HROB: variants seen among roughly 807,000 people sequenced by gnomAD.
HROB encodes the protein homologous recombination OB-fold protein.
Under a neutral mutation model 61.0 loss-of-function variants are expected in HROB, and 44 were observed. That is an observed-to-expected ratio of 0.72 (90% CI 0.57 to 0.93). The LOEUF (loss-of-function observed/expected upper bound fraction) is 0.93. HROB is among the 40% of genes least tolerant of loss of function. The pLI is 0.00. For missense variants in HROB, 716 were observed against 796.2 expected (o/e 0.90, Z 1.21); for synonymous variants, 301 against 310.4 (o/e 0.97, Z 0.32).
intron 8 of HROB, 40 bp downstream of exon 8, chr17:44,155,451 T>C: frequency 6.2e-7 from 1 of 1,607,890 alleles, no homozygotes; most frequent in African/African-American, 1.3e-5. Context: ...GGTAAGGCCC[T>C]CCTTCTGCCT....
At chr17:44,152,520 A>G in intron 4 of HROB, 117 bp from the exon 5 acceptor site, 1 of 1,205,226 alleles carries the variant, frequency 8.3e-7, no homozygotes, top group Non-Finnish European at 1.2e-6. Flanking sequence ...CCATTGTACT[A>G]CAGTTTTTCC....
At chr17:44,152,613 T>A in intron 4 of HROB, 24 bp from the exon 5 acceptor site, 1 of 1,611,970 alleles carries the variant, frequency 6.2e-7, no homozygotes, top group Non-Finnish European at 8.5e-7. Flanking sequence ...TCATACAGGC[T>A]CCCCCTCTGC....
At chr17:44,156,663 T>G (rs2053978237) in intron 8 of HROB, among the ~76,000 whole-genome samples, 1 of 146,376 alleles carries the variant, frequency 6.8e-6, no homozygotes, top group South Asian at 2.1e-4. Context: ...TTACCGGTAT[T>G]TATTTATTTT....
chr17:44,148,550 T>C lies in HROB; in HGVS notation c.747T>C (p.Gly249=). 6.2e-7 allele frequency: 1 copy of C among 1,614,028 alleles called. No individual in the cohort carries two copies. The highest frequency in any genetic ancestry group is 8.5e-7 in the Non-Finnish European group (1 of 1,180,020). ...CCCCCTTGAGACCTGGTGCTGTGGG[T>C]CACCTTCCTGTTCCAACTGCCTTAA... The part of the protein sequence containing the change: ...PRPPLRPGAV[G]HLPVPTALTV... The change falls in exon 3 of 10, where the codon GGT becomes GGC. Residue 249 remains glycine, a synonymous_variant. Coordinates refer to ENST00000585683, the MANE Select transcript of HROB (RefSeq NM_001171251.3).
intron 2 of HROB, among the ~76,000 whole-genome samples, chr17:44,147,134 G>A (rs1348848970): frequency 6.6e-6 from 1 of 151,970 alleles, no homozygotes; most frequent in African/African-American, 2.4e-5. Flanking sequence ...CAGCTGGATA[G>A]ATCCCTGTTT....
chr17:44,149,402 C>T (rs575951165), intron 3 of HROB, among the ~76,000 whole-genome samples: 30 of 152,156 alleles, frequency 2.0e-4, no homozygotes, highest in African/African-American at 6.7e-4. Flanking sequence ...GCCCCCGCCA[C>T]CATGCCTGGC....
chr17:44,149,861 CA>C (rs369744231), intron 3 of HROB, among the ~76,000 whole-genome samples: 110 of 152,354 alleles, frequency 7.2e-4, no homozygotes, highest in African/African-American at 2.4e-3. Flanking sequence ...ACAGTGTGAA[CA>C]GGGGTCATTC....
chr17:44,144,433 G>A (rs1473639405), intron 1 of HROB, among the ~76,000 whole-genome samples: 1 of 151,962 alleles, frequency 6.6e-6, no homozygotes, highest in Non-Finnish European at 1.5e-5. Flanking sequence ...GAGCCACCAC[G>A]CCCGACCAAA....
chr17:44,149,755 T>C (rs2053742063), intron 3 of HROB, among the ~76,000 whole-genome samples: 1 of 152,314 alleles, frequency 6.6e-6, no homozygotes, highest in East Asian at 1.9e-4. Context: ...TGCTTGGAAC[T>C]GAGAATACAG....
At chr17:44,149,911 G>C (rs1262427619) in intron 3 of HROB, among the ~76,000 whole-genome samples, 1 of 152,242 alleles carries the variant, frequency 6.6e-6, no homozygotes, top group Non-Finnish European at 1.5e-5. Context: ...CCTTAGGCTT[G>C]CTGAGTGGGC....
chr17:44,158,383 C>T (rs887359764), intron 9 of HROB, among the ~76,000 whole-genome samples: 2 of 152,154 alleles, frequency 1.3e-5, no homozygotes, highest in Non-Finnish European at 2.9e-5. Context: ...ACCAGAGAGG[C>T]CCAAATGCAG....
At chr17:44,147,015 G>A (rs1205972311) in intron 2 of HROB, among the ~76,000 whole-genome samples, 1 of 143,840 alleles carries the variant, frequency 7.0e-6, no homozygotes, top group Non-Finnish European at 1.5e-5. Context: ...CTGAAGGGTA[G>A]CTATCTCTGT....
intron 9 of HROB, among the ~76,000 whole-genome samples, chr17:44,160,383 T>C (rs1055565619): frequency 4.0e-5 from 6 of 151,784 alleles, no homozygotes; most frequent in African/African-American, 7.3e-5. Flanking sequence ...CTGACTAACA[T>C]GGTGAAACCC....
intron 2 of HROB, 78 bp from the exon 3 acceptor site, chr17:44,147,780 G>A: frequency 7.4e-7 from 1 of 1,356,058 alleles, no homozygotes. Flanking sequence ...AAACATACAC[G>A]CCATGTGCCT....
chr17:44,147,940 C>A lies in HROB; in HGVS notation c.137C>A (p.Ser46Tyr). The change falls in exon 3 of 10, where the codon TCT becomes TAT. Residue 46 changes from serine to tyrosine, a missense_variant. Coordinates refer to ENST00000585683, the MANE Select transcript of HROB (RefSeq NM_001171251.3). ...AATGCTGGGCGCCTGAGACCTGTCT[C>A]TTCTAGGCCACAGGAGACTGTGCAG... Reference protein sequence around the residue: ...PVNAGRLRPVSSRPQETVQAQ... With the variant: ...PVNAGRLRPVYSRPQETVQAQ... The A allele has an allele frequency of 6.2e-7, 1 of 1,614,150 alleles. No homozygotes were observed. Among genetic ancestry groups the A allele is most frequent in the Non-Finnish European group, 8.5e-7 (1 of 1,180,028 alleles).
intron 9 of HROB, among the ~76,000 whole-genome samples, chr17:44,161,073 G>A (rs763150563): frequency 9.9e-5 from 15 of 151,998 alleles, no homozygotes; most frequent in Non-Finnish European, 2.1e-4. Flanking sequence ...GTGGTGGTGG[G>A]CGCCTGTAAG....
At chr17:44,150,876 T>G (rs1184799889) in intron 3 of HROB, 85 bp from the exon 4 acceptor site, 1 of 1,151,700 alleles carries the variant, frequency 8.7e-7, no homozygotes, top group Non-Finnish European at 1.3e-6. Flanking sequence ...TTTCCTGAAC[T>G]CATTATGTAA....
rs746013130 is a variant in HROB at position 44,148,512 on chromosome 17, A to T, written c.709A>T (p.Arg237Trp). ...GTCTCTAGATCCTGTCATCCAATGT[A>T]GGACTCCACGACCCCCCTTGAGACC... Reference protein sequence around the residue: ...DESLDPVIQCRTPRPPLRPGA... With the variant: ...DESLDPVIQCWTPRPPLRPGA... The change falls in exon 3 of 10, where the codon AGG (arginine) becomes TGG (tryptophan). Residue 237 changes from arginine to tryptophan, a missense_variant. Coordinates refer to ENST00000585683, the MANE Select transcript of HROB (RefSeq NM_001171251.3). The T allele has an allele frequency of 1.9e-6, 3 of 1,614,112 alleles. No individual in the cohort carries two copies. Among genetic ancestry groups the T allele is most frequent in the African/African-American group, 2.7e-5 (2 of 75,016 alleles).
At position 44,161,907 on chromosome 17, in the gene HROB, A is replaced by G; in HGVS notation, c.1916A>G (p.Asp639Gly). Residue 639 changes from aspartate (D) to glycine (G), a missense_variant, in exon 10 of 10, where the codon GAC becomes GGC. Transcript: ENST00000585683. ...GGACTCCTGAGTGAGCTTCCTGAAG[A>G]CTTCTTCTGTGGGACCAGTAGTTGA... ...LDGLLSELPE[D>G]FFCGTSS 2 of 1,614,128 alleles carry G rather than the reference A, an allele frequency of 1.2e-6. No homozygotes were observed. The highest frequency in any genetic ancestry group is 1.7e-6 in the Non-Finnish European group (2 of 1,180,000).
Sources: gnomAD v4.1 joint callset for allele counts (sites outside exome capture counted in the v4.1 genomes callset) on GRCh38, gnomAD v4.1.1 for gene constraint, MANE v1.5 for transcripts, NCBI Gene and HGNC (gene_info 2026-07-23, HGNC 2026-07-21) for gene names.